Variants in PROZ observed in about 807,000 individuals in gnomAD.
PROZ encodes protein Z, vitamin K dependent plasma glycoprotein.
In PROZ, 46 loss-of-function variants were observed where a neutral mutation model predicts 34.9. The observed-to-expected ratio is 1.32, with a 90% CI of 1.04 to 1.69. The LOEUF is 1.69. Ranked by LOEUF, PROZ falls within the 40% of genes most tolerant of loss-of-function variation. The pLI is 0.00. For missense variants in PROZ, 530 were observed against 520.4 expected (o/e 1.02, Z -0.18); for synonymous variants, 195 against 208.5 (o/e 0.94, Z 0.56).
At chr13:113,160,706 C>T (rs929090724) in intron 2 of PROZ, among the ~76,000 whole-genome samples, 1 of 152,112 alleles carries the variant, frequency 6.6e-6, no homozygotes, top group Non-Finnish European at 1.5e-5. Flanking sequence ...TAGACTCTGG[C>T]CTTCCTCAAA....
In PROZ at chr13:113,170,504, T is replaced by TA; in HGVS notation, c.666dup (p.His223ThrfsTer11). ...CTGACAACAGCAAAATGTTCACTGT[T>TA]ACACAGGAATATTACTGTAAAAACA... On this transcript the variant is annotated frameshift_variant, in exon 7 of 8. Coordinates refer to ENST00000375547, the MANE Select transcript of PROZ (RefSeq NM_003891.3). LOFTEE classifies it low-confidence loss of function (END_TRUNC). 6.3e-7 allele frequency: 1 copy of TA among 1,592,480 alleles called. No individual in the cohort carries two copies. Among genetic ancestry groups the TA allele is most frequent in the Non-Finnish European group, 8.6e-7 (1 of 1,160,362 alleles).
At chr13:113,165,253 C>A in intron 6 of PROZ, 133 bp downstream of exon 6, 1 of 854,264 alleles carries the variant, frequency 1.2e-6, no homozygotes, top group Non-Finnish European at 1.9e-6. Flanking sequence ...CTGCACTGAC[C>A]AACCTCTATT....
At position 113,171,597 on chromosome 13, in the gene PROZ, T is replaced by C. The variant is rs746724651; in HGVS notation, c.695T>C (p.Phe232Ser). ...TGACGATTGTTCATGATTTCAGATT[T>C]TAACAGAACGAGCCAAGACCCGCTG... ...LHRNITVKTY[F>S]NRTSQDPLMI... Residue 232 changes from phenylalanine to serine, a missense_variant, in exon 8 of 8, where the codon TTT becomes TCT. Physicochemically the swap from Phe to Ser is radical, Grantham distance 155. Transcript: ENST00000375547. This position sits in a 1 kb window ranked among gnomAD's most constrained non-coding sequence, Gnocchi z 5.1. 2 of 1,614,106 alleles carry C rather than the reference T, an allele frequency of 1.2e-6. No homozygotes were observed. The highest frequency in any genetic ancestry group is 4.5e-5 in the East Asian group (2 of 44,880).
Position 113,164,634 on chromosome 13 carries a change from T to A in PROZ, c.495T>A (p.Cys165Ter). The A allele has an allele frequency of 1.9e-6, 3 of 1,613,736 alleles. No homozygotes were observed. Among genetic ancestry groups the A allele is most frequent in the South Asian group, 1.1e-5 (1 of 91,068 alleles). Residue 165 changes from cysteine to a stop codon, truncating the protein, a stop_gained, in exon 5 of 8, where the codon TGT (cysteine) becomes TGA (stop). Coordinates refer to ENST00000375547, the MANE Select transcript of PROZ (RefSeq NM_003891.3). LOFTEE classifies it high-confidence loss of function. Reference protein sequence around the residue: ...GYRLGEDHKQCVPHDQCACGV... With the variant: ...GYRLGEDHKQ ...GGCTTGGTGAGGACCACAAACAGTG[T>A]GTGCCCCACGGTGAGTGCTCAGACC...
intron 2 of PROZ, 110 bp downstream of exon 2, chr13:113,160,287 C>T: frequency 7.5e-7 from 1 of 1,339,200 alleles, no homozygotes; most frequent in South Asian, 1.2e-5. Flanking sequence ...TATTTACTTA[C>T]CGATGAGGTT....
intron 4 of PROZ, among the ~76,000 whole-genome samples, chr13:113,163,964 G>GCC (rs2036831523): frequency 3.8e-5 from 1 of 26,370 alleles, no homozygotes; most frequent in South Asian, 4.0e-3. Context: ...CACTCATGGA[G>GCC]TCTTTTTTTT....
chr13:113,162,901 C>CCTCCCCCTG, intron 3 of PROZ, 108 bp from the exon 4 acceptor site: 1 of 560,508 alleles, frequency 1.8e-6, no homozygotes. Context: ...ACCCCCCACT[C>CCTCCCCCTG]CATCCTCCTC....
intron 2 of PROZ, 126 bp from the exon 3 acceptor site, chr13:113,160,821 GT>G: frequency 1.2e-6 from 1 of 813,088 alleles, no homozygotes; most frequent in East Asian, 2.6e-5. Flanking sequence ...ATTGTGCATT[GT>G]TTCAACCACT....
chr13:113,163,171 G>A, intron 4 of PROZ, 49 bp downstream of exon 4: 2 of 1,444,548 alleles, frequency 1.4e-6, no homozygotes, highest in Non-Finnish European at 1.9e-6. Context: ...TGGGCAGGTG[G>A]GCCTCACATC....
chr13:113,168,371 G>A (rs998916050), intron 6 of PROZ, among the ~76,000 whole-genome samples: 6 of 152,252 alleles, frequency 3.9e-5, no homozygotes, highest in South Asian at 2.1e-4. Context: ...GCCTTCTTGC[G>A]TTTGTCTGGA....
At chr13:113,170,662 G>A in intron 7 of PROZ, 132 bp downstream of exon 7, 1 of 670,982 alleles carries the variant, frequency 1.5e-6, no homozygotes, top group Non-Finnish European at 2.7e-6. Flanking sequence ...CAATAAAACT[G>A]AGATACTTAT....
In PROZ at chr13:113,160,986, T is replaced by G; in HGVS notation, c.259+14T>G. The G allele has an allele frequency of 6.2e-7, 1 of 1,604,234 alleles. No homozygotes were observed. On this transcript the variant is annotated intron_variant, in intron 3 of 7. Transcript: ENST00000375547. ...GACGATATAAGGGTAAGTGGTTTCC[T>G]TCGTCTCCTCAGAAGTATTAATTCC...
In PROZ at chr13:113,172,151, T is replaced by G; in HGVS notation, c.*46T>G. The G allele has an allele frequency of 6.2e-7, 1 of 1,602,898 alleles. No individual in the cohort carries two copies. The highest frequency in any genetic ancestry group is 1.3e-5 in the African/African-American group (1 of 74,858). On this transcript the variant is annotated 3_prime_UTR_variant, in exon 8 of 8. Coordinates refer to ENST00000375547, the MANE Select transcript of PROZ (RefSeq NM_003891.3). ...ATGAACAACACAACCGGAAGCGGGA[T>G]TCCAAGCTGGCACTGCCACTGTGGA...
At chr13:113,160,199 C>A (rs2036737443) in intron 2 of PROZ, 22 bp downstream of exon 2, 2 of 1,612,212 alleles carry the variant, frequency 1.2e-6, no homozygotes, top group African/African-American at 2.7e-5. Flanking sequence ...CACCACAAAC[C>A]ACAGGCCTCC....
Position 113,171,884 on chromosome 13 carries a change from G to C in PROZ, c.982G>C (p.Gly328Arg). The change falls in exon 8 of 8, where the codon GGG (glycine) becomes CGG (arginine). Residue 328 changes from glycine to arginine, a missense_variant. Physicochemically the swap from Gly to Arg is moderately radical, Grantham distance 125. Transcript: ENST00000375547. The surrounding 1 kb of genome is among the most constrained non-coding windows in gnomAD (Gnocchi z 5.1). ...PVTLVEGEEC[G>R]QVLNVTVTTR... ...CACACTTGTGGAGGGGGAGGAGTGC[G>C]GGCAGGTCCTGAATGTGACTGTCAC... 6.2e-7 allele frequency: 1 copy of C among 1,613,682 alleles called. No individual in the cohort carries two copies. The highest frequency in any genetic ancestry group is 8.5e-7 in the Non-Finnish European group (1 of 1,180,042).
In PROZ at chr13:113,165,113, C is replaced by T. The variant is rs563368891; in HGVS notation, c.566C>T (p.Pro189Leu). The change falls in exon 6 of 8, where the codon CCG becomes CTG. Residue 189 changes from proline (P) to leucine (L), a missense_variant. Physicochemically the swap from Pro to Leu is moderately conservative, Grantham distance 98. Transcript: ENST00000375547. ...CGTGCACCGGATCTACAGGACCTCC[C>T]GTGGCAGGTAACAGAGCGCTCTCCG... ...EKRAPDLQDL[P>L]WQVKLTNSEG... 8 of 1,611,740 alleles carry T rather than the reference C, an allele frequency of 5.0e-6. No individual in the cohort carries two copies. The highest frequency in any genetic ancestry group is 4.5e-5 in the East Asian group (2 of 44,874).
At chr13:113,169,156 G>A (rs115520699) in intron 6 of PROZ, among the ~76,000 whole-genome samples, 4 of 152,156 alleles carry the variant, frequency 2.6e-5, no homozygotes, top group African/African-American at 7.2e-5. Flanking sequence ...AAAAATCTCC[G>A]TTCTCTCCGT....
rs184639662 is a variant in PROZ, at chr13:113,171,015, T to C, written c.691+485T>C. Reference sequence around the variant, plus strand: ...CAGGCTCACTGCAACCTCTGCCTCCTGGGTTCAAGCGATTCTCATGCCTCA... The same window carrying C: ...CAGGCTCACTGCAACCTCTGCCTCCCGGGTTCAAGCGATTCTCATGCCTCA... On this transcript the variant is annotated intron_variant, in intron 7 of 7. Transcript: ENST00000375547. The surrounding 1 kb of genome is among the most constrained non-coding windows in gnomAD (Gnocchi z 5.1). 2.0e-4 allele frequency among the ~76,000 whole-genome samples: 30 copies of C among 152,038 alleles called. No homozygotes were observed. In the East Asian group the frequency reaches 5.6e-3, roughly 28 times the overall value.
intron 4 of PROZ, 88 bp downstream of exon 4, chr13:113,163,210 T>A: frequency 8.8e-7 from 1 of 1,131,348 alleles, no homozygotes; most frequent in Non-Finnish European, 1.3e-6. Flanking sequence ...GGGCCCCTCC[T>A]GAGGTGTAGC....
Sources: gnomAD v4.1 joint callset for allele counts (sites outside exome capture counted in the v4.1 genomes callset) on GRCh38, gnomAD v4.1.1 for gene constraint, Gnocchi (gnomAD v3.1) non-coding constraint, MANE v1.5 for transcripts, NCBI Gene and HGNC (gene_info 2026-07-23, HGNC 2026-07-21) for gene names.